The following EVC2 variants were observed in gnomAD, a reference collection of about 807,000 sequenced individuals.
EVC2 encodes the protein limbin.
In EVC2, 148 loss-of-function variants were observed where a neutral mutation model predicts 149.3. The observed-to-expected ratio is 0.99, with a 90% CI of 0.87 to 1.14. The LOEUF (loss-of-function observed/expected upper bound fraction) is 1.14. Ranked by LOEUF, EVC2 falls within the 50% of genes most tolerant of loss-of-function variation. The pLI is 0.00. For synonymous variants in EVC2, 776 were observed against 649.9 expected (o/e 1.19, Z -2.95); for missense variants, 1,854 against 1,627.3 (o/e 1.14, Z -2.40).
chr4:5,681,446 G>A, intron 6 of EVC2, 133 bp from the exon 7 acceptor site: 1 of 891,160 alleles, frequency 1.1e-6, no homozygotes, highest in Non-Finnish European at 1.8e-6. Flanking sequence ...GTCAGAGCTT[G>A]TGAAGGTCTC....
intron 16 of EVC2, among the ~76,000 whole-genome samples, chr4:5,586,247 C>G (rs1000554724): frequency 6.6e-6 from 1 of 151,992 alleles, no homozygotes; most frequent in Non-Finnish European, 1.5e-5. Context: ...TATGCTTCCC[C>G]CTTCCCTCCC....
chr4:5,571,998 A>T (rs1722670699), intron 19 of EVC2, among the ~76,000 whole-genome samples: 1 of 152,216 alleles, frequency 6.6e-6, no homozygotes. Context: ...CCTGCAGGCC[A>T]ACCCTGCAGA....
At chr4:5,621,485 A>G (rs1435706685) in intron 14 of EVC2, among the ~76,000 whole-genome samples, 1 of 152,190 alleles carries the variant, frequency 6.6e-6, no homozygotes, top group Non-Finnish European at 1.5e-5. Context: ...TTTGGTCTAC[A>G]TTGCCCATGT....
In EVC2 at chr4:5,686,742, C is replaced by T. The variant is rs534807222; in HGVS notation, c.707-1263G>A. 1.1e-3 allele frequency among the ~76,000 whole-genome samples: 164 copies of T among 151,834 alleles called. No individual in the cohort carries two copies. Among genetic ancestry groups the T allele is most frequent in the Non-Finnish European group, 1.9e-3 (131 of 67,996 alleles). On this transcript the variant is annotated intron_variant, in intron 5 of 21. Transcript: ENST00000344408. This position sits in a 1 kb window ranked among gnomAD's most constrained non-coding sequence, Gnocchi z 5.4. ...AGGTCAGAATGTCAATGAACTGGGA[C>T]CTGACTGGTCATTTGATTTTATAGT...
intron 21 of EVC2, 34 bp downstream of exon 21, chr4:5,565,224 C>CT (rs771068608): frequency 6.2e-7 from 1 of 1,607,062 alleles, no homozygotes; most frequent in Non-Finnish European, 8.5e-7. Context: ...AGCTCACCCC[C>CT]TCCCCAGCCA....
intron 21 of EVC2, among the ~76,000 whole-genome samples, chr4:5,548,231 G>A (rs1441490412): frequency 6.6e-6 from 1 of 151,958 alleles, no homozygotes; most frequent in African/African-American, 2.4e-5. Context: ...GCAGGCCCAA[G>A]CAAAACTTGG....
rs889201127 is a variant in EVC2, at chr4:5,613,796, G to C, written c.2829+1626C>G. On this transcript the variant is annotated intron_variant, in intron 16 of 21. Coordinates refer to ENST00000344408, the MANE Select transcript of EVC2 (RefSeq NM_147127.5). This position sits in a 1 kb window ranked among gnomAD's most constrained non-coding sequence, Gnocchi z 4.6. ...CCTCTATCTGCCTAATCTTTGTCTT[G>C]CTGTTCAATTTCATATAGAACCTGG... Among the ~76,000 whole-genome samples the C allele has an allele frequency of 6.6e-6, 1 of 152,076 alleles. No individual in the cohort carries two copies. The highest frequency in any genetic ancestry group is 1.5e-5 in the Non-Finnish European group (1 of 68,014).
At chr4:5,684,690 C>T (rs908783553) in intron 6 of EVC2, among the ~76,000 whole-genome samples, 1 of 152,142 alleles carries the variant, frequency 6.6e-6, no homozygotes, top group African/African-American at 2.4e-5. Flanking sequence ...GTGTTATGGG[C>T]CAGACTGTGT....
chr4:5,547,543 C>G (rs1344912388), intron 21 of EVC2, among the ~76,000 whole-genome samples: 1 of 152,184 alleles, frequency 6.6e-6, no homozygotes, highest in African/African-American at 2.4e-5. Flanking sequence ...GACCAACTGG[C>G]ATACACTTCC....
At chr4:5,687,427 G>A (rs1348061507) in intron 5 of EVC2, among the ~76,000 whole-genome samples, 3 of 152,164 alleles carry the variant, frequency 2.0e-5, no homozygotes, top group Admixed American at 2.0e-4. Flanking sequence ...GAGAGATGGA[G>A]AGCCAAGGTT....
At chr4:5,592,534 T>G (rs961704510) in intron 16 of EVC2, among the ~76,000 whole-genome samples, 1 of 152,218 alleles carries the variant, frequency 6.6e-6, no homozygotes, top group East Asian at 1.9e-4. Context: ...TAACTGCCTC[T>G]TTAAAATAAT....
At chr4:5,631,567 T>TA (rs1553837131) in intron 11 of EVC2, among the ~76,000 whole-genome samples, 1 of 148,814 alleles carries the variant, frequency 6.7e-6, no homozygotes, top group Non-Finnish European at 1.5e-5. Context: ...CGCAGTAGAC[T>TA]GGGGGGGGGA....
intron 14 of EVC2, among the ~76,000 whole-genome samples, chr4:5,621,237 T>C (rs1715668320): frequency 6.6e-6 from 1 of 152,158 alleles, no homozygotes; most frequent in Non-Finnish European, 1.5e-5. Flanking sequence ...AGGAGATAAC[T>C]TCTACAAGGG....
At chr4:5,587,585 G>A (rs528179307) in intron 16 of EVC2, among the ~76,000 whole-genome samples, 8 of 152,294 alleles carry the variant, frequency 5.3e-5, no homozygotes, top group Non-Finnish European at 1.2e-4. Flanking sequence ...TCTGTAGCGG[G>A]AAGAGCCGCA....
intron 16 of EVC2, among the ~76,000 whole-genome samples, chr4:5,592,895 C>G (rs1365148820): frequency 6.6e-6 from 1 of 152,150 alleles, no homozygotes; most frequent in Non-Finnish European, 1.5e-5. Flanking sequence ...ACCCAAATCA[C>G]ATCTTGAATT....
chr4:5,595,143 T>G (rs1404103423), intron 16 of EVC2, among the ~76,000 whole-genome samples: 2 of 152,190 alleles, frequency 1.3e-5, no homozygotes, highest in East Asian at 3.9e-4. Flanking sequence ...GAAAACACTC[T>G]GAAGGATATT....
At chr4:5,652,339 T>A (rs1311920594) in intron 9 of EVC2, among the ~76,000 whole-genome samples, 1 of 147,028 alleles carries the variant, frequency 6.8e-6, no homozygotes, top group African/African-American at 2.5e-5. Context: ...AACACCATGT[T>A]TACCACATGT....
chr4:5,610,189 G>A (rs572921554), intron 16 of EVC2, among the ~76,000 whole-genome samples: 16 of 152,072 alleles, frequency 1.1e-4, no homozygotes, highest in Non-Finnish European at 1.6e-4. Flanking sequence ...ATGGACTATG[G>A]ACATACATAT....
intron 16 of EVC2, among the ~76,000 whole-genome samples, chr4:5,602,697 T>C (rs992093408): frequency 3.9e-5 from 6 of 152,188 alleles, no homozygotes; most frequent in Admixed American, 1.3e-4. Context: ...CTTATAATCA[T>C]AGAAGCCATA....
Sources: allele counts gnomAD v4.1 joint callset (sites outside exome capture counted in the v4.1 genomes callset), GRCh38; gene constraint gnomAD v4.1.1; non-coding constraint Gnocchi (gnomAD v3.1); transcripts MANE v1.5; gene names NCBI Gene and HGNC (gene_info 2026-07-23, HGNC 2026-07-21).